The following MTCL3 variants were observed in gnomAD, a reference collection of about 807,000 sequenced individuals.
MTCL3 encodes the protein microtubule cross-linking factor 3.
At chr6:127,505,690 C>T in the MTCL3 span, among the ~76,000 whole-genome samples, 2 of 152,134 alleles carry the variant, frequency 1.3e-5, no homozygotes, top group South Asian at 2.1e-4. Context: ...AAAAAAGATA[C>T]ATGTTCCTCA....
chr6:127,494,001 A>G, the MTCL3 span, among the ~76,000 whole-genome samples: 1 of 152,198 alleles, frequency 6.6e-6, no homozygotes, highest in African/African-American at 2.4e-5. Flanking sequence ...GGCTACCAAT[A>G]AAAGAGGAAA....
chr6:127,504,301 AAATAC>A, the MTCL3 span, among the ~76,000 whole-genome samples: 9 of 152,208 alleles, frequency 5.9e-5, no homozygotes, highest in Non-Finnish European at 1.2e-4. Context: ...GCTATAGTCA[AAATAC>A]AACCTGTATG....
the MTCL3 span, among the ~76,000 whole-genome samples, chr6:127,506,366 G>A: frequency 6.6e-6 from 1 of 152,250 alleles, no homozygotes; most frequent in Admixed American, 6.5e-5. Context: ...ATAAAACTCA[G>A]TGTTGCTTCT....
the MTCL3 span, chr6:127,476,295 T>C: frequency 6.2e-7 from 1 of 1,614,190 alleles, no homozygotes; most frequent in Non-Finnish European, 8.5e-7. The surrounding 1 kb of genome is among the most constrained non-coding windows in gnomAD (Gnocchi z 4.4). Context: ...TGGGAGGGCC[T>C]CCGGCTTCTC....
the MTCL3 span, chr6:127,517,546 T>C: frequency 2.6e-5 from 4 of 152,348 alleles, no homozygotes; most frequent in African/African-American, 7.2e-5. Flanking sequence ...TGAATCACTT[T>C]AGTTTTAAGT....
the MTCL3 span, among the ~76,000 whole-genome samples, chr6:127,511,658 T>C: frequency 3.3e-5 from 5 of 152,342 alleles, no homozygotes; most frequent in East Asian, 1.9e-4. Flanking sequence ...ATTTTTCTAC[T>C]ATAGCACAGA....
chr6:127,479,734 C>G, the MTCL3 span, among the ~76,000 whole-genome samples: 2 of 151,680 alleles, frequency 1.3e-5, no homozygotes, highest in Admixed American at 6.6e-5. Context: ...GGCTAATGGT[C>G]ATGGTAATTA....
chr6:127,518,036 A>G, the MTCL3 span, among the ~76,000 whole-genome samples: 1 of 152,342 alleles, frequency 6.6e-6, no homozygotes, highest in Middle Eastern at 3.4e-3. Context: ...AAGAAATATT[A>G]CCGAAGGGTT....
At chr6:127,513,113 T>A in the MTCL3 span, 1 of 1,427,244 alleles carries the variant, frequency 7.0e-7, no homozygotes, top group African/African-American at 1.4e-5. Flanking sequence ...GCTAAAATTG[T>A]ATTCCTATTG....
At chr6:127,473,307 G>A in the MTCL3 span, 3 of 1,539,598 alleles carry the variant, frequency 1.9e-6, no homozygotes, top group East Asian at 2.5e-5. Flanking sequence ...AGTGTAAAAA[G>A]GAAGACAAGT....
the MTCL3 span, among the ~76,000 whole-genome samples, chr6:127,512,160 A>G: frequency 2.0e-5 from 3 of 152,048 alleles, no homozygotes; most frequent in Non-Finnish European, 2.9e-5. Context: ...CCATTTCTTT[A>G]CCTTGATTCT....
chr6:127,514,639 C>G, the MTCL3 span, among the ~76,000 whole-genome samples: 1 of 152,246 alleles, frequency 6.6e-6, no homozygotes, highest in African/African-American at 2.4e-5. Flanking sequence ...ACTCTGCACT[C>G]TTTAGAGCCA....
chr6:127,515,197 G>A, the MTCL3 span: 1 of 758,302 alleles, frequency 1.3e-6, no homozygotes, highest in South Asian at 1.7e-5. The surrounding 1 kb of genome is among the most constrained non-coding windows in gnomAD (Gnocchi z 4.3). Context: ...GAGTACAGAA[G>A]AGGAAACTGG....
the MTCL3 span, among the ~76,000 whole-genome samples, chr6:127,492,656 G>A: frequency 6.6e-6 from 1 of 152,070 alleles, no homozygotes; most frequent in Admixed American, 6.5e-5. Flanking sequence ...TAGTAACTGG[G>A]ACTACAGGCG....
chr6:127,506,784 T>G, the MTCL3 span, among the ~76,000 whole-genome samples: 5 of 152,000 alleles, frequency 3.3e-5, no homozygotes, highest in Non-Finnish European at 1.5e-5. Flanking sequence ...TTTCACCGTG[T>G]TAGCCAGGGT....
the MTCL3 span, among the ~76,000 whole-genome samples, chr6:127,498,746 G>A: frequency 6.6e-6 from 1 of 152,202 alleles, no homozygotes; most frequent in East Asian, 1.9e-4. Flanking sequence ...GAAATAAAAA[G>A]AAATGAATTA....
At chr6:127,486,518 A>G in the MTCL3 span, among the ~76,000 whole-genome samples, 1 of 152,194 alleles carries the variant, frequency 6.6e-6, no homozygotes, top group East Asian at 1.9e-4. Context: ...ACCATCATCC[A>G]CTAAATCTTG....
the MTCL3 span, chr6:127,512,905 C>G: frequency 1.9e-6 from 3 of 1,609,190 alleles, no homozygotes; most frequent in Non-Finnish European, 2.5e-6. Context: ...TTCATTTTTT[C>G]CAGTTCATTC....
chr6:127,503,371 G>A, the MTCL3 span, among the ~76,000 whole-genome samples: 1 of 152,092 alleles, frequency 6.6e-6, no homozygotes, highest in Non-Finnish European at 1.5e-5. Context: ...ACTCAACATT[G>A]GTGGCTACTG....
Sources: gnomAD v4.1 joint callset for allele counts (sites outside exome capture counted in the v4.1 genomes callset) on GRCh38, gnomAD v4.1.1 for gene constraint, Gnocchi (gnomAD v3.1) non-coding constraint, MANE v1.5 for transcripts, NCBI Gene and HGNC (gene_info 2026-07-23, HGNC 2026-07-21) for gene names.